Variants in JARID2 observed in about 807,000 individuals in gnomAD.
The protein encoded by JARID2 is protein Jumonji.
In JARID2, 21 loss-of-function variants were observed where a neutral mutation model predicts 125.6. The ratio of observed to expected loss-of-function variants is 0.17; its 90% CI spans 0.12 to 0.24. JARID2 has a LOEUF of 0.24. JARID2 is among the 10% of genes least tolerant of loss of function. The pLI, the probability that JARID2 is intolerant of heterozygous loss-of-function variation, is 1.00. For synonymous variants in JARID2, 736 were observed against 661.6 expected (o/e 1.11, Z -1.73); for missense variants, 1,303 against 1,639.6 (o/e 0.79, Z 3.55).
At chr6:15,402,307 C>G (rs1474566088) in intron 2 of JARID2, among the ~76,000 whole-genome samples, 3 of 152,140 alleles carry the variant, frequency 2.0e-5, no homozygotes, top group Admixed American at 2.0e-4. Context: ...AATTGGATAC[C>G]TGGTTTCTTT....
chr6:15,323,167 T>G (rs1762414948), intron 1 of JARID2, among the ~76,000 whole-genome samples: 1 of 152,258 alleles, frequency 6.6e-6, no homozygotes, highest in Admixed American at 6.5e-5. Flanking sequence ...TCTGTGTGGG[T>G]GGTGGGCTTT....
At chr6:15,380,193 G>T (rs1004082998) in intron 2 of JARID2, among the ~76,000 whole-genome samples, 7 of 151,844 alleles carry the variant, frequency 4.6e-5, no homozygotes, top group Non-Finnish European at 8.8e-5. Context: ...GTGCCACCAT[G>T]CCTGGCTAAC....
intron 3 of JARID2, among the ~76,000 whole-genome samples, chr6:15,426,931 G>T (rs6922136): frequency 0.048 from 7,320 of 152,194 alleles, 505 homozygotes; most frequent in African/African-American, 0.15. Flanking sequence ...CTGAGTAATG[G>T]GGGGTACATC....
intron 1 of JARID2, among the ~76,000 whole-genome samples, chr6:15,346,018 T>A (rs904927011): frequency 1.3e-5 from 2 of 152,256 alleles, no homozygotes; most frequent in Admixed American, 1.3e-4. Context: ...TTCAGCTGTC[T>A]GTATTAGAAA....
chr6:15,418,835 C>G (rs1581535474), intron 3 of JARID2, among the ~76,000 whole-genome samples: 1 of 152,152 alleles, frequency 6.6e-6, no homozygotes, highest in Non-Finnish European at 1.5e-5. Context: ...TGAGAATTCT[C>G]TCAGGCTTTT....
intron 17 of JARID2, among the ~76,000 whole-genome samples, chr6:15,518,583 G>A (rs1967663): frequency 0.22 from 33,639 of 152,034 alleles, 4,630 homozygotes; most frequent in East Asian, 0.42. Context: ...CCAGGTTCAC[G>A]CCATTCTCCT....
At chr6:15,293,636 G>T (rs1281815112) in intron 1 of JARID2, among the ~76,000 whole-genome samples, 1 of 152,224 alleles carries the variant, frequency 6.6e-6, no homozygotes, top group Non-Finnish European at 1.5e-5. Context: ...TGTCATACAG[G>T]CAGACTTGAC....
At chr6:15,361,937 C>A (rs1230280102) in intron 1 of JARID2, among the ~76,000 whole-genome samples, 1 of 148,138 alleles carries the variant, frequency 6.8e-6, no homozygotes, top group Non-Finnish European at 1.5e-5. Context: ...TCTTGATCTC[C>A]CAGGCTGGAG....
At chr6:15,518,542 C>T (rs947894917) in intron 17 of JARID2, among the ~76,000 whole-genome samples, 4 of 152,112 alleles carry the variant, frequency 2.6e-5, no homozygotes, top group African/African-American at 4.8e-5. Context: ...AGTGCAGTGG[C>T]GTGATCTCGG....
intron 1 of JARID2, among the ~76,000 whole-genome samples, chr6:15,277,962 C>T (rs558304264): frequency 6.6e-6 from 1 of 152,142 alleles, no homozygotes; most frequent in East Asian, 1.9e-4. Flanking sequence ...AAAAGGTGAA[C>T]TCTGGTTGGG....
At chr6:15,317,974 G>A (rs1762232240) in intron 1 of JARID2, among the ~76,000 whole-genome samples, 1 of 152,232 alleles carries the variant, frequency 6.6e-6, no homozygotes, top group African/African-American at 2.4e-5. Flanking sequence ...GTGAGGTAGA[G>A]GCTAGTCTGT....
At chr6:15,310,673 G>T (rs182219333) in intron 1 of JARID2, among the ~76,000 whole-genome samples, 1 of 152,196 alleles carries the variant, frequency 6.6e-6, no homozygotes, top group South Asian at 2.1e-4. Flanking sequence ...ATGGGCCTAA[G>T]TGTTCTGAGA....
chr6:15,509,449 A>G, intron 12 of JARID2: 1 of 700,104 alleles, frequency 1.4e-6, no homozygotes, highest in Non-Finnish European at 1.7e-6. Flanking sequence ...TGCTGTGGAC[A>G]TGAGGGAGCC....
At chr6:15,449,943 G>A (rs1258858756) in intron 3 of JARID2, among the ~76,000 whole-genome samples, 1 of 152,160 alleles carries the variant, frequency 6.6e-6, no homozygotes, top group Non-Finnish European at 1.5e-5. Flanking sequence ...TATTTCGGGA[G>A]TGTGGAGGAT....
intron 1 of JARID2, among the ~76,000 whole-genome samples, chr6:15,277,885 C>CT (rs5874505): frequency 0.52 from 78,081 of 150,998 alleles, 20,195 homozygotes; most frequent in East Asian, 0.57. Context: ...AAAAGAAATC[C>CT]TTTTTTTTGG....
chr6:15,276,817 A>G (rs903183102), intron 1 of JARID2, among the ~76,000 whole-genome samples: 4 of 152,122 alleles, frequency 2.6e-5, no homozygotes, highest in African/African-American at 9.7e-5. Context: ...TAGAATTTCC[A>G]GTGACTGTTG....
intron 3 of JARID2, 93 bp from the exon 4 acceptor site, chr6:15,451,913 T>A: frequency 8.1e-7 from 1 of 1,229,280 alleles, no homozygotes; most frequent in Non-Finnish European, 1.1e-6. Flanking sequence ...AGGATCTTTT[T>A]TCCCCTTATG....
At chr6:15,293,815 C>T (rs1393519696) in intron 1 of JARID2, among the ~76,000 whole-genome samples, 6 of 152,252 alleles carry the variant, frequency 3.9e-5, no homozygotes, top group Non-Finnish European at 8.8e-5. Flanking sequence ...TATGTCATAG[C>T]ATCTGGCCAA....
chr6:15,376,977 G>A (rs968233108), intron 2 of JARID2, among the ~76,000 whole-genome samples: 1 of 152,184 alleles, frequency 6.6e-6, no homozygotes, highest in Non-Finnish European at 1.5e-5. Context: ...GGACGTGTCT[G>A]TGTGTCTTTG....
Sources: allele counts gnomAD v4.1 joint callset (sites outside exome capture counted in the v4.1 genomes callset), GRCh38; gene constraint gnomAD v4.1.1; transcripts MANE v1.5; gene names NCBI Gene and HGNC (gene_info 2026-07-23, HGNC 2026-07-21).